The following EIF4A3 variants were observed in gnomAD, a reference collection of about 807,000 sequenced individuals.
EIF4A3 encodes eukaryotic translation initiation factor 4A3.
In EIF4A3, 1 loss-of-function variant was observed where a neutral mutation model predicts 55.6. The ratio of observed to expected loss-of-function variants is 0.02; its 90% CI spans 0.01 to 0.09. The LOEUF (loss-of-function observed/expected upper bound fraction) is 0.09, where lower values mean the gene tolerates loss of function less well. EIF4A3 is among the 10% of genes least tolerant of loss of function. EIF4A3 has a pLI of 1.00. For missense variants in EIF4A3, 221 were observed against 540.7 expected (o/e 0.41, Z 5.86); for synonymous variants, 194 against 196.3 (o/e 0.99, Z 0.10).
At chr17:80,141,761 G>A (rs1216344118) in intron 3 of EIF4A3, 21 bp downstream of exon 3, 2 of 1,603,158 alleles carry the variant, frequency 1.2e-6, no homozygotes, top group South Asian at 1.1e-5. Flanking sequence ...ATAACAGTTT[G>A]TTTTAAGAAT....
intron 2 of EIF4A3, among the ~76,000 whole-genome samples, chr17:80,143,134 T>C (rs745798494): frequency 6.6e-6 from 1 of 152,188 alleles, no homozygotes. Flanking sequence ...GCTGACCTCA[T>C]GGAATTTTCC....
At chr17:80,143,479 T>C (rs1213487525) in intron 2 of EIF4A3, among the ~76,000 whole-genome samples, 2 of 152,178 alleles carry the variant, frequency 1.3e-5, no homozygotes, top group Non-Finnish European at 2.9e-5. Context: ...CTGCAGGATA[T>C]GGCCTATCTC....
intron 7 of EIF4A3, chr17:80,138,812 T>C (rs1598604380): frequency 4.8e-6 from 3 of 631,158 alleles, no homozygotes; most frequent in East Asian, 3.0e-5. Context: ...CCCAGCCTAT[T>C]TGGTTTTTTA....
intron 11 of EIF4A3, chr17:80,135,763 C>A (rs926307036): frequency 1.6e-5 from 10 of 611,182 alleles, no homozygotes; most frequent in African/African-American, 3.7e-5. Context: ...GGCTATGGTG[C>A]ACGTGTCTGT....
chr17:80,146,096 A>C (rs2039660426), intron 1 of EIF4A3, among the ~76,000 whole-genome samples: 2 of 151,398 alleles, frequency 1.3e-5, no homozygotes, highest in Admixed American at 1.3e-4. Context: ...ATTATTCGTC[A>C]CCCTACACGT....
At position 80,139,659 on chromosome 17, in the gene EIF4A3, G is replaced by A; in HGVS notation, c.586+11C>T. On this transcript the variant is annotated intron_variant, in intron 6 of 11. Coordinates refer to ENST00000649764, the MANE Select transcript of EIF4A3 (RefSeq NM_014740.4). Reference sequence around the variant, plus strand: ...ATGTCAGTAGAAGAGTAATTCTTTTGTTGCTCATACCTTTATTCAACATTT... The same window carrying A: ...ATGTCAGTAGAAGAGTAATTCTTTTATTGCTCATACCTTTATTCAACATTT... 6.2e-7 allele frequency: 1 copy of A among 1,608,578 alleles called. No individual in the cohort carries two copies. The highest frequency in any genetic ancestry group is 8.5e-7 in the Non-Finnish European group (1 of 1,177,096).
chr17:80,139,758 A>ACGCCC lies in EIF4A3; in HGVS notation c.506-9_506-8insGGGCG. 6.2e-7 allele frequency: 1 copy of ACGCCC among 1,611,576 alleles called. No homozygotes were observed. The highest frequency in any genetic ancestry group is 1.1e-5 in the South Asian group (1 of 90,422). ...TTCTGCGACGAATCATATCTATAAC[A>ACGCCC]TGAGATTTTGAAATACTTACGACAA... On this transcript the variant is annotated splice_polypyrimidine_tract_variant and intron_variant, in intron 5 of 11. Transcript: ENST00000649764.
At chr17:80,135,894 C>CAA in intron 11 of EIF4A3, 110 bp downstream of exon 11, 1 of 1,473,132 alleles carries the variant, frequency 6.8e-7, no homozygotes. Context: ...AACTTCGTCT[C>CAA]AAAAACAAAA....
At chr17:80,135,913 C>CCCACAACAACAAAAAA (rs2039566485) in intron 11 of EIF4A3, 91 bp downstream of exon 11, 3 of 1,525,838 alleles carry the variant, frequency 2.0e-6, no homozygotes. Flanking sequence ...AACAAAAAAA[C>CCCACAACAACAAAAAA]CCACAACAAC....
chr17:80,140,061 C>G lies in EIF4A3; in HGVS notation c.452G>C (p.Arg151Thr). The G allele has an allele frequency of 1.2e-6, 2 of 1,614,082 alleles. No individual in the cohort carries two copies. The highest frequency in any genetic ancestry group is 1.7e-6 in the Non-Finnish European group (2 of 1,180,016). Residue 151 changes from arginine to threonine, a missense_variant, in exon 5 of 12, where the codon AGG (arginine) becomes ACG (threonine). Arg to Thr is a moderately conservative substitution (Grantham distance 71). Coordinates refer to ENST00000649764, the MANE Select transcript of EIF4A3 (RefSeq NM_014740.4). The part of the protein sequence containing the change: ...IGGTNVGEDI[R>T]KLDYGQHVVA... ...AACATGCTGTCCGTAATCCAGCTTC[C>G]TGATGTCCTCGCCAACATTGGTGCC...
Position 80,135,190 on chromosome 17 carries a change from G to A in EIF4A3, c.*300C>T, listed in dbSNP as rs1384728370. ...AAAGAAAAGAAAAAAAGAAAAGTGA[G>A]TGAAATGACCCAAGACTACACAGTA... On this transcript the variant is annotated 3_prime_UTR_variant, in exon 12 of 12. Coordinates refer to ENST00000649764, the MANE Select transcript of EIF4A3 (RefSeq NM_014740.4). The A allele has an allele frequency of 6.2e-6, 2 of 324,990 alleles. No homozygotes were observed. Among genetic ancestry groups the A allele is most frequent in the East Asian group, 4.8e-5 (1 of 20,940 alleles). The allele number at this position is 324,990 out of a possible 1,614,324, so 20.1% of individuals were successfully genotyped here.
Position 80,147,064 on chromosome 17 carries a change from G to A in EIF4A3, c.-103C>T, listed in dbSNP as rs865823453. On this transcript the variant is annotated 5_prime_UTR_variant, in exon 1 of 12. Coordinates refer to ENST00000649764, the MANE Select transcript of EIF4A3 (RefSeq NM_014740.4). ...CGACCTCGCTGCCGCTGCCGACCTCGCTGTGCCGCTGCCGACCTCGCTGTG... is the reference window on the plus strand; with the variant it reads ...CGACCTCGCTGCCGCTGCCGACCTCACTGTGCCGCTGCCGACCTCGCTGTG... The A allele has an allele frequency of 7.6e-7, 1 of 1,318,350 alleles. No individual in the cohort carries two copies. The highest frequency in any genetic ancestry group is 1.6e-5 in the South Asian group (1 of 63,810). The allele number at this position is 1,318,350 out of a possible 1,614,324, so 81.7% of individuals were successfully genotyped here.
At chr17:80,139,970 C>T in intron 5 of EIF4A3, 38 bp downstream of exon 5, 1 of 1,599,774 alleles carries the variant, frequency 6.3e-7, no homozygotes, top group Non-Finnish European at 8.5e-7. Context: ...CTTACAAATA[C>T]TACCGGCAGC....
At chr17:80,135,876 C>T (rs1028184318) in intron 11 of EIF4A3, 128 bp downstream of exon 11, 7 of 1,306,188 alleles carry the variant, frequency 5.4e-6, no homozygotes, top group Non-Finnish European at 7.4e-6. Context: ...GCCTGGGTGA[C>T]AGAGCGAAAC....
At position 80,136,047 on chromosome 17, in the gene EIF4A3, G is replaced by T. The variant is rs544350290; in HGVS notation, c.1176C>A (p.Ile392=). 6 of 1,614,128 alleles carry T rather than the reference G, an allele frequency of 3.7e-6. No homozygotes were observed. In the African/African-American group the frequency reaches 5.3e-5, roughly 14 times the overall value. ...CAATCTGAGTGGAATAGTACTGCTC[G>T]ATATCTCTGAGGATGCGGATGTCGT... The part of the protein sequence containing the change: ...KNDDIRILRD[I]EQYYSTQIDE... The change falls in exon 11 of 12, where the codon ATC becomes ATA. Residue 392 remains isoleucine (I), a synonymous_variant. Transcript: ENST00000649764.
Position 80,136,206 on chromosome 17 carries a change from C to A in EIF4A3, c.1091+22G>T, listed in dbSNP as rs111252606. 7.8e-3 allele frequency: 12,596 copies of A among 1,612,790 alleles called. 136 individuals are homozygous for A. The highest frequency in any genetic ancestry group is 0.013 in the South Asian group (1,161 of 90,958). On this transcript the variant is annotated intron_variant, in intron 10 of 11. Transcript: ENST00000649764. ...TAGTAAATGTGTCACAGAAGTGAAG[C>A]CAATGAGAGCTTGCACCTTACCTGT...
rs757639171 is a variant in EIF4A3, at chr17:80,147,009, C to CTGCCGCTGCCGACCTCGCTG, written c.-68_-49dup. 8.9e-4 allele frequency: 1,242 copies of CTGCCGCTGCCGACCTCGCTG among 1,393,076 alleles called. 63 individuals are homozygous for CTGCCGCTGCCGACCTCGCTG. In the East Asian group the frequency reaches 0.027, roughly 30 times the overall value. 86.3% of individuals were successfully genotyped at this position (1,393,076 alleles called of 1,614,324 possible). A position where few individuals can be genotyped will look rare whatever the true frequency, so the allele number is the denominator to read the frequency against. On this transcript the variant is annotated 5_prime_UTR_variant, in exon 1 of 12. Coordinates refer to ENST00000649764, the MANE Select transcript of EIF4A3 (RefSeq NM_014740.4). ...ACAGCGCGCGCCGCTGCCGACCTCG[C>CTGCCGCTGCCGACCTCGCTG]TGCCGCTGCCGACCTCGCTGTGCCG... is the stretch of plus-strand genomic sequence containing the variant.
At chr17:80,143,803 AC>A (rs57959569) in intron 2 of EIF4A3, among the ~76,000 whole-genome samples, 60,934 of 151,612 alleles carry the variant, frequency 0.4, 12,573 homozygotes, top group East Asian at 0.49. Context: ...ACATGGTGAA[AC>A]CCCCGTCTCT....
At chr17:80,140,250 A>AT (rs2039606333) in intron 4 of EIF4A3, 110 bp from the exon 5 acceptor site, 1 of 1,292,652 alleles carries the variant, frequency 7.7e-7, no homozygotes, top group Admixed American at 3.4e-5. Context: ...TATTTATGCC[A>AT]TTATTATCTC....
Sources: gnomAD v4.1 joint callset for allele counts (sites outside exome capture counted in the v4.1 genomes callset) on GRCh38, gnomAD v4.1.1 for gene constraint, MANE v1.5 for transcripts, NCBI Gene and HGNC (gene_info 2026-07-23, HGNC 2026-07-21) for gene names.